PAK3: variants seen among roughly 807,000 people sequenced by gnomAD.
The protein encoded by PAK3 is p21 (RAC1) activated kinase 3.
A neutral mutation model predicts 41.0 loss-of-function variants in PAK3; 4 were observed. The ratio of observed to expected loss-of-function variants is 0.10; its 90% CI spans 0.05 to 0.22. The LOEUF (loss-of-function observed/expected upper bound fraction) is 0.22, where lower values mean the gene tolerates loss of function less well. PAK3 is among the 10% of genes least tolerant of loss of function. The pLI is 1.00. For missense variants in PAK3, 205 were observed against 409.9 expected (o/e 0.50, Z 4.32); for synonymous variants, 146 against 139.6 (o/e 1.05, Z -0.32).
At chrX:111,158,168 G>A (rs761252128) in intron 8 of PAK3, among the ~76,000 whole-genome samples, 26 of 111,887 alleles carry the variant, frequency 2.3e-4, no homozygotes, top group Non-Finnish European at 4.5e-4. Context: ...CTTGCAAGGC[G>A]AGGAATGGGT....
intron 1 of PAK3, among the ~76,000 whole-genome samples, chrX:110,956,686 T>C (rs779485260): frequency 1.8e-5 from 2 of 111,491 alleles, no homozygotes; most frequent in South Asian, 7.6e-4. Flanking sequence ...CCTGGTCCCA[T>C]GAAGCACAAA....
intron 1 of PAK3, among the ~76,000 whole-genome samples, chrX:110,976,599 C>A (rs758761316): frequency 1.8e-5 from 2 of 111,629 alleles, no homozygotes; most frequent in Non-Finnish European, 3.8e-5. Context: ...CCCAGCAATC[C>A]CATTACTGGG....
chrX:110,974,252 T>C (rs1402564573), intron 1 of PAK3, among the ~76,000 whole-genome samples: 1 of 110,291 alleles, frequency 9.1e-6, no homozygotes, highest in African/African-American at 3.3e-5. Flanking sequence ...CCAAATCAAA[T>C]AGATGCAATA....
intron 16 of PAK3, among the ~76,000 whole-genome samples, chrX:111,203,005 T>G (rs1280091409): frequency 1.8e-5 from 2 of 111,767 alleles, no homozygotes; most frequent in Non-Finnish European, 3.8e-5. Context: ...AGATCCTGTA[T>G]CAGTGGATCT....
rs370810599 is a variant in PAK3, at chrX:111,163,668, A to G, written c.707A>G (p.Asn236Ser). Residue 236 changes from asparagine to serine, a missense_variant, in exon 10 of 18, where the codon AAC becomes AGC. This residue lies in a region of PAK3 where 75 missense variants were observed against 91.9 expected (regional missense o/e 0.82). Coordinates refer to ENST00000372007, the MANE Select transcript of PAK3 (RefSeq NM_002578.5). ...GCCAATTCCAGTACTTTGTACAGGAACACAGATCGGCAAAGAAAAAAATCC... is the reference window on the plus strand; with the variant it reads ...GCCAATTCCAGTACTTTGTACAGGAGCACAGATCGGCAAAGAAAAAAATCC... ...ENANSSTLYR[N>S]TDRQRKKSKM... The G allele has an allele frequency of 8.7e-5, 105 of 1,203,249 alleles. No homozygotes were observed. Among genetic ancestry groups the G allele is most frequent in the Middle Eastern group, 2.3e-4 (1 of 4,344 alleles).
chrX:111,123,822 T>C (rs949629233), intron 5 of PAK3, among the ~76,000 whole-genome samples: 1 of 111,982 alleles, frequency 8.9e-6, no homozygotes, highest in African/African-American at 3.2e-5. Flanking sequence ...GACAGCCCCA[T>C]GTGTACTGAG....
intron 1 of PAK3, among the ~76,000 whole-genome samples, chrX:111,044,365 T>G (rs2092478615): frequency 8.9e-6 from 1 of 112,311 alleles, no homozygotes; most frequent in Admixed American, 9.4e-5. Context: ...CCATCTTCTG[T>G]CATCATTTTA....
intron 1 of PAK3, among the ~76,000 whole-genome samples, chrX:111,089,258 G>C (rs755771919): frequency 2.1e-4 from 24 of 112,027 alleles, no homozygotes; most frequent in African/African-American, 7.5e-4. Flanking sequence ...TACTATTTTT[G>C]TAACTTTGTG....
At chrX:111,158,096 G>A (rs1164605550) in intron 8 of PAK3, among the ~76,000 whole-genome samples, 1 of 111,786 alleles carries the variant, frequency 8.9e-6, no homozygotes, top group Non-Finnish European at 1.9e-5. Context: ...CTTAAGAAGG[G>A]GATGTCAGGA....
At chrX:111,164,303 T>TA (rs202010910) in intron 10 of PAK3, among the ~76,000 whole-genome samples, 170 of 108,932 alleles carry the variant, frequency 1.6e-3, no homozygotes, top group African/African-American at 4.6e-3. Context: ...GTCAAGAAGA[T>TA]AAAAAAAAAT....
At chrX:111,166,196 CT>C (rs1188522221) in intron 10 of PAK3, among the ~76,000 whole-genome samples, 1 of 111,757 alleles carries the variant, frequency 8.9e-6, no homozygotes, top group Non-Finnish European at 1.9e-5. Context: ...CCATTACCCT[CT>C]CTGTGCCTTC....
intron 1 of PAK3, among the ~76,000 whole-genome samples, chrX:111,005,708 C>T (rs2091912601): frequency 8.9e-6 from 1 of 111,946 alleles, no homozygotes; most frequent in African/African-American, 3.2e-5. Context: ...CCACCATCTG[C>T]CCTTGCTCTT....
chrX:111,022,766 A>T (rs2092207447), intron 1 of PAK3, among the ~76,000 whole-genome samples: 1 of 111,592 alleles, frequency 9.0e-6, no homozygotes, highest in South Asian at 3.8e-4. Flanking sequence ...GAATTCAACA[A>T]CCAAGTTTCT....
At chrX:111,066,632 C>T (rs2092703908) in intron 1 of PAK3, among the ~76,000 whole-genome samples, 1 of 111,873 alleles carries the variant, frequency 8.9e-6, no homozygotes, top group Non-Finnish European at 1.9e-5. Flanking sequence ...AGCTTTCTGC[C>T]TCAATAATCT....
chrX:111,122,280 A>G (rs1368491225), intron 4 of PAK3, among the ~76,000 whole-genome samples: 3 of 102,768 alleles, frequency 2.9e-5, no homozygotes, highest in Non-Finnish European at 5.9e-5. Context: ...AAAAAAAAAA[A>G]GAATAATGAA....
intron 1 of PAK3, among the ~76,000 whole-genome samples, chrX:110,973,038 A>G (rs974000948): frequency 1.8e-5 from 2 of 111,896 alleles, no homozygotes; most frequent in African/African-American, 6.5e-5. Flanking sequence ...GAAATGAACA[A>G]TGCCTCCAAG....
rs6642851 is a variant in PAK3, at chrX:111,034,076, A to G, written c.-27-89001A>G. On this transcript the variant is annotated intron_variant, in intron 1 of 14. Coordinates refer to the PAK3 transcript ENST00000425146. ...CACACAAGTGTGTGTGCACAATTCT[A>G]CCATACAGTTCTTCTTCTTTATTTT... 2.1e-3 allele frequency among the ~76,000 whole-genome samples: 229 copies of G among 111,228 alleles called. 8 individuals are homozygous for G. The East Asian group carries it at 0.059, about 29-fold the overall frequency.
At chrX:111,031,541 G>T (rs1010840962) in intron 1 of PAK3, among the ~76,000 whole-genome samples, 1 of 111,672 alleles carries the variant, frequency 9.0e-6, no homozygotes, top group Non-Finnish European at 1.9e-5. Context: ...ATCAGAGGTG[G>T]GAGCAGCTTT....
In PAK3 at chrX:111,207,499, AT is replaced by A. The variant is rs1405324435; in HGVS notation, c.1408-8919del. ...CATAAGATTATAATGGAGCTGAAAA[AT>A]TTCTATCACCTAGTGATGTCATAAT... On this transcript the variant is annotated intron_variant, in intron 16 of 17. Transcript: ENST00000372007. 6.3e-5 allele frequency among the ~76,000 whole-genome samples: 7 copies of A among 111,661 alleles called. No individual in the cohort carries two copies. In the East Asian group the frequency reaches 2.0e-3, roughly 31 times the overall value.
Sources: gnomAD v4.1 joint callset for allele counts (sites outside exome capture counted in the v4.1 genomes callset) on GRCh38, gnomAD v4.1.1 for gene constraint, gnomAD v4.1.1 regional missense constraint, MANE v1.5 for transcripts, NCBI Gene and HGNC (gene_info 2026-07-23, HGNC 2026-07-21) for gene names.